LNX1: variants seen among roughly 807,000 people sequenced by gnomAD.
The protein encoded by LNX1 is ligand of numb-protein X 1, also known as E3 ubiquitin-protein ligase LNX.
LNX1 carries 54 observed loss-of-function variants against 68.4 expected under a neutral mutation model. The ratio of observed to expected loss-of-function variants is 0.79; its 90% confidence interval spans 0.63 to 0.99. The LOEUF is 0.99. LNX1 is among the 50% of genes least tolerant of loss of function. The pLI is 0.00. For synonymous variants in LNX1, 336 were observed against 350.0 expected (o/e 0.96, Z 0.45); for missense variants, 906 against 926.4 (o/e 0.98, Z 0.29).
At chr4:53,624,347 T>C (rs1044033629) in intron 1 of LNX1, among the ~76,000 whole-genome samples, 1 of 152,112 alleles carries the variant, frequency 6.6e-6, no homozygotes, top group Admixed American at 6.5e-5. Flanking sequence ...GTTCTAGTGG[T>C]TGTGAAAAAG....
At chr4:53,629,089 A>G (rs1698460173) in intron 1 of LNX1, among the ~76,000 whole-genome samples, 1 of 152,224 alleles carries the variant, frequency 6.6e-6, no homozygotes, top group South Asian at 2.1e-4. Context: ...TAATTAATCC[A>G]TGTAACCATA....
intron 2 of LNX1, among the ~76,000 whole-genome samples, chr4:53,569,520 G>GATT (rs1386686645): frequency 7.7e-6 from 1 of 130,384 alleles, no homozygotes; most frequent in Non-Finnish European, 1.6e-5. Context: ...ATTCAAGATG[G>GATT]ATTAAAGACT....
intron 1 of LNX1, among the ~76,000 whole-genome samples, chr4:53,587,341 A>G (rs765725534): frequency 6.6e-5 from 10 of 152,156 alleles, no homozygotes; most frequent in African/African-American, 1.9e-4. Flanking sequence ...TGTCAACCCT[A>G]TTCTTTGGGG....
intron 2 of LNX1, among the ~76,000 whole-genome samples, chr4:53,553,708 C>CA (rs1729681876): frequency 6.6e-6 from 1 of 152,136 alleles, no homozygotes; most frequent in South Asian, 2.1e-4. Flanking sequence ...TTAGGGCATG[C>CA]TCTTTGTAGA....
chr4:53,484,632 C>T (rs966245547), intron 6 of LNX1, among the ~76,000 whole-genome samples: 3 of 152,118 alleles, frequency 2.0e-5, no homozygotes, highest in African/African-American at 7.2e-5. Flanking sequence ...GGTTGTCTGA[C>T]ACTAACCAGT....
At chr4:53,548,899 C>T (rs1318803160) in intron 2 of LNX1, among the ~76,000 whole-genome samples, 1 of 152,166 alleles carries the variant, frequency 6.6e-6, no homozygotes, top group East Asian at 1.9e-4. Flanking sequence ...CTGGAGGCTA[C>T]TATCCTTAGC....
At chr4:53,523,253 A>G (rs1727364083) in intron 2 of LNX1, 1 of 152,216 alleles carries the variant, frequency 6.6e-6, no homozygotes, top group Non-Finnish European at 1.5e-5. Flanking sequence ...AATTGTGAAA[A>G]TAATTATTTA....
chr4:53,594,850 C>A (rs922932029), upstream of LNX1, among the ~76,000 whole-genome samples: 10 of 151,514 alleles, frequency 6.6e-5, no homozygotes, highest in South Asian at 2.1e-4. Flanking sequence ...TAGCTGGGAC[C>A]ACAGGCACGT....
intron 2 of LNX1, among the ~76,000 whole-genome samples, chr4:53,508,752 T>C (rs147282118): frequency 6.6e-6 from 1 of 152,324 alleles, no homozygotes; most frequent in East Asian, 1.9e-4. Context: ...TGCTATCCTC[T>C]AGTGGCAGCT....
intron 1 of LNX1, among the ~76,000 whole-genome samples, chr4:53,639,501 G>A (rs1036474269): frequency 1.3e-5 from 2 of 152,044 alleles, no homozygotes; most frequent in Non-Finnish European, 2.9e-5. Context: ...TAATATCCCA[G>A]AAAAAATAAG....
intron 2 of LNX1, among the ~76,000 whole-genome samples, chr4:53,607,385 C>T (rs564325658): frequency 5.7e-4 from 87 of 152,092 alleles, no homozygotes; most frequent in Non-Finnish European, 9.0e-4. Flanking sequence ...GATAAAATAC[C>T]TAGGAATATA....
At chr4:53,590,594 G>T (rs1401130299) in intron 1 of LNX1, among the ~76,000 whole-genome samples, 1 of 152,156 alleles carries the variant, frequency 6.6e-6, no homozygotes, top group African/African-American at 2.4e-5. Flanking sequence ...GGTCCTGGCA[G>T]AACAACTTCC....
Position 53,481,738 on chromosome 4 carries a change from C to A in LNX1, c.1467G>T (p.Glu489Asp), listed in dbSNP as rs760320962. ...SNGSWSPGPG[E>D]RSNTPKPLHP... ...GCCTCACCTTGGGAGTGTTGCTCCT[C>A]TCCCCTGGCCCTGGGGACCAGCTGC... The change falls in exon 7 of 11, where the codon GAG (glutamate) becomes GAT (aspartate). Residue 489 changes from glutamate to aspartate, a missense_variant. Transcript: ENST00000263925. The A allele has an allele frequency of 2.7e-5, 43 of 1,613,668 alleles. No homozygotes were observed. In the Admixed American group the frequency reaches 7.0e-4, roughly 26 times the overall value.
At chr4:53,467,671 G>C (rs981553390) in intron 9 of LNX1, among the ~76,000 whole-genome samples, 8 of 152,124 alleles carry the variant, frequency 5.3e-5, no homozygotes, top group Admixed American at 4.6e-4. Context: ...TGAAAACCAC[G>C]GCACGAGAAC....
intron 1 of LNX1, among the ~76,000 whole-genome samples, chr4:53,585,068 C>T (rs1486842775): frequency 2.0e-5 from 3 of 152,168 alleles, no homozygotes; most frequent in Non-Finnish European, 4.4e-5. Context: ...GTTAAGGTCC[C>T]TTTGAAAACC....
intron 2 of LNX1, among the ~76,000 whole-genome samples, chr4:53,570,959 CGAGCTTGTGGTGAGCA>C (rs1431422696): frequency 6.6e-6 from 1 of 151,312 alleles, no homozygotes; most frequent in Non-Finnish European, 1.5e-5. Flanking sequence ...CCCGGGAGGC[CGAGCTTGTGGTGAGCA>C]GAGATCGCGC....
chr4:53,640,136 G>A (rs560155037), intron 1 of LNX1, among the ~76,000 whole-genome samples: 19 of 152,340 alleles, frequency 1.2e-4, no homozygotes, highest in South Asian at 6.2e-4. Flanking sequence ...TAGAATGACA[G>A]TGGTGGTGGG....
In LNX1 at chr4:53,649,442, G is replaced by A. The variant is rs79117883; in HGVS notation, c.-215+2726C>T. ...ACAGCTATAGATCAACAAATCTTAG[G>A]TCACAGAACCAGGATTTGAACTCCG... On this transcript the variant is annotated intron_variant, in intron 1 of 2. Coordinates refer to the LNX1 transcript ENST00000507168. Among the ~76,000 whole-genome samples the A allele has an allele frequency of 5.7e-3, 873 of 152,264 alleles. 11 individuals carry two copies. The highest frequency in any genetic ancestry group is 0.02 in the African/African-American group (829 of 41,550).
chr4:53,493,513 C>T (rs6840343), intron 6 of LNX1, among the ~76,000 whole-genome samples: 62,465 of 152,058 alleles, frequency 0.41, 13,578 homozygotes, highest in South Asian at 0.59. Flanking sequence ...ACAGTAATAC[C>T]ATCCAACACT....
Sources: allele counts gnomAD v4.1 joint callset (sites outside exome capture counted in the v4.1 genomes callset), GRCh38; gene constraint gnomAD v4.1.1; transcripts MANE v1.5; gene names NCBI Gene and HGNC (gene_info 2026-07-23, HGNC 2026-07-21).